The following QTMAN variants were observed in gnomAD, a reference collection of about 807,000 sequenced individuals.
QTMAN encodes tRNA-queuosine alpha-mannosyltransferase.
chr2:144,171,166 T>C, the QTMAN span, among the ~76,000 whole-genome samples: 1 of 152,284 alleles, frequency 6.6e-6, no homozygotes, highest in East Asian at 1.9e-4. Context: ...CTTAAAACCA[T>C]GTCTGGCAAA....
the QTMAN span, among the ~76,000 whole-genome samples, chr2:143,973,675 G>A: frequency 2.0e-5 from 3 of 151,924 alleles, no homozygotes; most frequent in Non-Finnish European, 4.4e-5. Flanking sequence ...TGTAGTCCCA[G>A]CTACACGGGA....
At chr2:144,275,776 T>G in the QTMAN span, among the ~76,000 whole-genome samples, 10 of 152,192 alleles carry the variant, frequency 6.6e-5, no homozygotes, top group Non-Finnish European at 1.2e-4. Context: ...TAGCGTTTAC[T>G]TGGCTGTTAT....
the QTMAN span, among the ~76,000 whole-genome samples, chr2:143,998,924 G>A: frequency 5.6e-4 from 85 of 152,094 alleles, no homozygotes; most frequent in African/African-American, 1.9e-3. Flanking sequence ...TCTGTCATTC[G>A]ATAAACTGAA....
chr2:144,316,344 A>G, the QTMAN span, among the ~76,000 whole-genome samples: 38 of 152,164 alleles, frequency 2.5e-4, no homozygotes, highest in Non-Finnish European at 4.4e-5. Flanking sequence ...TAAAGCCTGT[A>G]AACATTTACA....
chr2:144,166,960 G>A, the QTMAN span, among the ~76,000 whole-genome samples: 1 of 152,014 alleles, frequency 6.6e-6, no homozygotes, highest in South Asian at 2.1e-4. Context: ...TATTCTCTGG[G>A]GAAACTCATA....
At chr2:144,117,437 C>T in the QTMAN span, among the ~76,000 whole-genome samples, 3 of 152,140 alleles carry the variant, frequency 2.0e-5, no homozygotes, top group African/African-American at 4.8e-5. Flanking sequence ...CATAACTCAG[C>T]CCATATAACT....
At chr2:144,014,532 C>CA in the QTMAN span, among the ~76,000 whole-genome samples, 3 of 152,044 alleles carry the variant, frequency 2.0e-5, no homozygotes, top group African/African-American at 4.8e-5. Context: ...TCAAAATTAA[C>CA]AAGCAAACCC....
At chr2:143,962,858 G>A in the QTMAN span, among the ~76,000 whole-genome samples, 1 of 152,124 alleles carries the variant, frequency 6.6e-6, no homozygotes, top group African/African-American at 2.4e-5. Flanking sequence ...GAGTAATATA[G>A]TTCAGGAAAA....
chr2:144,037,181 A>G, the QTMAN span, among the ~76,000 whole-genome samples: 4 of 152,230 alleles, frequency 2.6e-5, no homozygotes, highest in African/African-American at 9.6e-5. Context: ...TTTATGTTTT[A>G]GAACTAAATA....
At chr2:144,107,637 A>C in the QTMAN span, among the ~76,000 whole-genome samples, 1 of 152,238 alleles carries the variant, frequency 6.6e-6, no homozygotes, top group African/African-American at 2.4e-5. Context: ...AAAAAAGTCC[A>C]GGACCAGATG....
chr2:144,148,245 AATT>A, the QTMAN span, among the ~76,000 whole-genome samples: 2 of 151,798 alleles, frequency 1.3e-5, no homozygotes, highest in African/African-American at 4.8e-5. Flanking sequence ...GTCTGCAATA[AATT>A]ATTAAATAGT....
chr2:144,278,402 A>C, the QTMAN span, among the ~76,000 whole-genome samples: 2 of 152,200 alleles, frequency 1.3e-5, no homozygotes, highest in Non-Finnish European at 2.9e-5. Flanking sequence ...CAGACACTAA[A>C]ATTCTGTAGT....
the QTMAN span, among the ~76,000 whole-genome samples, chr2:144,182,831 A>G: frequency 1.5e-5 from 1 of 67,818 alleles, no homozygotes; most frequent in South Asian, 3.5e-4. Flanking sequence ...TATATATAAT[A>G]TATATATATT....
the QTMAN span, among the ~76,000 whole-genome samples, chr2:144,059,411 A>G: frequency 3.9e-4 from 59 of 152,322 alleles, no homozygotes; most frequent in African/African-American, 1.3e-3. Context: ...GGATAGCATC[A>G]TTCATCCTTA....
chr2:144,322,327 G>A, the QTMAN span, among the ~76,000 whole-genome samples: 3 of 152,048 alleles, frequency 2.0e-5, no homozygotes, highest in African/African-American at 4.8e-5. Flanking sequence ...CACCGTATTA[G>A]AAATTAAATG....
the QTMAN span, among the ~76,000 whole-genome samples, chr2:144,062,669 T>C: frequency 1.3e-5 from 2 of 152,202 alleles, no homozygotes. Flanking sequence ...TATCATTCTG[T>C]CGACTTTATT....
the QTMAN span, among the ~76,000 whole-genome samples, chr2:144,292,619 A>C: frequency 6.6e-6 from 1 of 152,168 alleles, no homozygotes; most frequent in East Asian, 1.9e-4. Context: ...TCTAAGATTA[A>C]TTTCCAATAC....
chr2:144,309,552 C>T, the QTMAN span, among the ~76,000 whole-genome samples: 3 of 152,164 alleles, frequency 2.0e-5, no homozygotes, highest in East Asian at 1.9e-4. Context: ...GCAGGCAAAA[C>T]GAATTCACAG....
At chr2:144,133,444 TATATAA>T in the QTMAN span, among the ~76,000 whole-genome samples, 8 of 41,848 alleles carry the variant, frequency 1.9e-4, no homozygotes, top group East Asian at 6.2e-3. Flanking sequence ...TAATATATAA[TATATAA>T]TATATAATAT....
Sources: allele counts gnomAD v4.1 joint callset (sites outside exome capture counted in the v4.1 genomes callset), GRCh38; gene constraint gnomAD v4.1.1; transcripts MANE v1.5; gene names NCBI Gene and HGNC (gene_info 2026-07-23, HGNC 2026-07-21).